TRAPPC3L: variants seen among roughly 807,000 people sequenced by gnomAD.
TRAPPC3L encodes trafficking protein particle complex subunit 3L, also known as trafficking protein particle complex subunit 3-like protein.
Under a neutral mutation model 23.7 loss-of-function variants are expected in TRAPPC3L, and 23 were observed. The ratio of observed to expected loss-of-function variants is 0.97; its 90% confidence interval spans 0.70 to 1.37. The LOEUF is 1.37. Among genes scored for constraint, TRAPPC3L ranks in the 40% most tolerant of loss-of-function variants. The pLI is 0.00. For synonymous variants in TRAPPC3L, 81 were observed against 77.9 expected (o/e 1.04, Z -0.21); for missense variants, 212 against 216.8 (o/e 0.98, Z 0.14).
At chr6:116,542,874 T>A (rs1773548343) in intron 2 of TRAPPC3L, among the ~76,000 whole-genome samples, 1 of 152,040 alleles carries the variant, frequency 6.6e-6, no homozygotes, top group African/African-American at 2.4e-5. Context: ...CCATTGTGAG[T>A]TTCTTGTATA....
intron 2 of TRAPPC3L, among the ~76,000 whole-genome samples, 189 bp downstream of exon 2, chr6:116,543,114 C>T (rs540469071): frequency 2.0e-4 from 30 of 152,234 alleles, no homozygotes; most frequent in African/African-American, 7.2e-4. Context: ...GGAAAAAAAT[C>T]CTTCCTATTA....
At chr6:116,511,786 T>C in intron 3 of TRAPPC3L, 6 of 1,614,108 alleles carry the variant, frequency 3.7e-6, no homozygotes, top group Non-Finnish European at 5.1e-6. Flanking sequence ...CCGTGGGAAG[T>C]GAGCGTCTCT....
At chr6:116,532,650 T>A (rs1275628262) in intron 3 of TRAPPC3L, among the ~76,000 whole-genome samples, 2 of 152,240 alleles carry the variant, frequency 1.3e-5, no homozygotes, top group Non-Finnish European at 2.9e-5. Flanking sequence ...CTTCCACTTT[T>A]GTGAAACATT....
At chr6:116,503,483 A>G (rs906833997) in intron 3 of TRAPPC3L, among the ~76,000 whole-genome samples, 1 of 152,214 alleles carries the variant, frequency 6.6e-6, no homozygotes, top group African/African-American at 2.4e-5. Flanking sequence ...GAAAATTAAC[A>G]AGGATATCAA....
intron 3 of TRAPPC3L, among the ~76,000 whole-genome samples, chr6:116,504,394 C>A (rs1229546812): frequency 6.6e-6 from 1 of 152,084 alleles, no homozygotes; most frequent in Non-Finnish European, 1.5e-5. Context: ...AATTAATAGC[C>A]TACCAACCGA....
At chr6:116,512,102 G>T in intron 3 of TRAPPC3L, 1 of 1,614,028 alleles carries the variant, frequency 6.2e-7, no homozygotes, top group Non-Finnish European at 8.5e-7. Context: ...GAGAAGTTCA[G>T]GACTCCTGGA....
At chr6:116,541,771 A>G (rs1773478669) in intron 2 of TRAPPC3L, among the ~76,000 whole-genome samples, 1 of 152,218 alleles carries the variant, frequency 6.6e-6, no homozygotes, top group Non-Finnish European at 1.5e-5. Flanking sequence ...TCCACAGCTC[A>G]GCAACTGGGA....
chr6:116,498,578 C>T (rs928884237), intron 4 of TRAPPC3L, among the ~76,000 whole-genome samples: 1 of 152,220 alleles, frequency 6.6e-6, no homozygotes, highest in African/African-American at 2.4e-5. Flanking sequence ...ACTTTGTTGA[C>T]TGTTACCTCT....
At chr6:116,497,151 C>T in intron 4 of TRAPPC3L, 78 bp from the exon 5 acceptor site, 1 of 1,461,854 alleles carries the variant, frequency 6.8e-7, no homozygotes, top group South Asian at 1.3e-5. Flanking sequence ...CTTTTTTCAG[C>T]TTTCTTTACT....
chr6:116,534,289 C>T (rs1283934762), intron 3 of TRAPPC3L, among the ~76,000 whole-genome samples: 2 of 152,148 alleles, frequency 1.3e-5, no homozygotes, highest in African/African-American at 2.4e-5. Flanking sequence ...ATTTGGACAT[C>T]CTTGTTGAAG....
At chr6:116,539,454 T>G (rs1375566052) in intron 3 of TRAPPC3L, among the ~76,000 whole-genome samples, 2 of 152,194 alleles carry the variant, frequency 1.3e-5, no homozygotes, top group Non-Finnish European at 2.9e-5. Context: ...TGTAGAATTT[T>G]TCCCCACATA....
intron 3 of TRAPPC3L, among the ~76,000 whole-genome samples, chr6:116,526,546 T>A (rs1022548362): frequency 2.6e-5 from 4 of 152,164 alleles, no homozygotes; most frequent in Non-Finnish European, 5.9e-5. Context: ...AAGTCAGGAT[T>A]TTTTGGAAAG....
chr6:116,544,827 C>T (rs561007827), intron 1 of TRAPPC3L, among the ~76,000 whole-genome samples: 1 of 152,166 alleles, frequency 6.6e-6, no homozygotes, highest in Non-Finnish European at 1.5e-5. Context: ...AAATGCCCAT[C>T]AGTCTCCTGA....
intron 3 of TRAPPC3L, among the ~76,000 whole-genome samples, chr6:116,532,347 C>T (rs1051369796): frequency 2.6e-5 from 4 of 152,282 alleles, no homozygotes; most frequent in East Asian, 1.9e-4. Context: ...GCTATCCTTC[C>T]GCGTCTTGCC....
intron 3 of TRAPPC3L, among the ~76,000 whole-genome samples, chr6:116,504,129 C>T (rs1771965843): frequency 6.6e-6 from 1 of 152,054 alleles, no homozygotes; most frequent in Non-Finnish European, 1.5e-5. Flanking sequence ...AGATCTACCG[C>T]TAGCACGACT....
intron 3 of TRAPPC3L, among the ~76,000 whole-genome samples, chr6:116,527,747 CA>C (rs1772488882): frequency 6.6e-6 from 1 of 152,150 alleles, no homozygotes; most frequent in African/African-American, 2.4e-5. Flanking sequence ...ATCTTCAATG[CA>C]AAGGCAGAGC....
chr6:116,514,622 T>C (rs986516311), intron 3 of TRAPPC3L, among the ~76,000 whole-genome samples: 1 of 152,208 alleles, frequency 6.6e-6, no homozygotes. Flanking sequence ...GGGGAAAGTT[T>C]AGATTTAAAC....
chr6:116,545,037 T>A (rs1773688769), intron 1 of TRAPPC3L, among the ~76,000 whole-genome samples: 1 of 151,862 alleles, frequency 6.6e-6, no homozygotes, highest in Non-Finnish European at 1.5e-5. Flanking sequence ...GAAACATTTT[T>A]AAAGGCAATC....
chr6:116,495,629 A>G lies in TRAPPC3L; in HGVS notation c.*1325T>C, dbSNP rs1307673712. On this transcript the variant is annotated 3_prime_UTR_variant, in exon 5 of 5. Transcript: ENST00000368602. ...AGTGGTTATACTAATTTACATTCCCACCAACAGTGTACCAGAGTTCCCTCT... is the reference window on the plus strand; with the variant it reads ...AGTGGTTATACTAATTTACATTCCCGCCAACAGTGTACCAGAGTTCCCTCT... 1 of 152,082 alleles carries G rather than the reference A, an allele frequency of 6.6e-6. No individual in the cohort carries two copies. Among genetic ancestry groups the G allele is most frequent in the Non-Finnish European group, 1.5e-5 (1 of 67,994 alleles). The allele number at this position is 152,082 out of a possible 1,614,324, so 9.4% of individuals were successfully genotyped here.
Sources: gnomAD v4.1 joint callset for allele counts (sites outside exome capture counted in the v4.1 genomes callset) on GRCh38, gnomAD v4.1.1 for gene constraint, MANE v1.5 for transcripts, NCBI Gene and HGNC (gene_info 2026-07-23, HGNC 2026-07-21) for gene names.